The following OPCML variants were observed in gnomAD, a reference collection of about 807,000 sequenced individuals.
The protein encoded by OPCML is opioid-binding protein/cell adhesion molecule.
A neutral mutation model predicts 37.8 loss-of-function variants in OPCML; 13 were observed. That is an observed-to-expected ratio of 0.34 (90% CI 0.22 to 0.55). The LOEUF (loss-of-function observed/expected upper bound fraction) is 0.55. Ranked by LOEUF, OPCML falls within the 20% of genes least tolerant of loss-of-function variation. The probability of loss-of-function intolerance (pLI) is 0.91; values close to 1 mark genes in which losing one functional copy is unlikely to be tolerated. For synonymous variants in OPCML, 176 were observed against 168.8 expected, an observed-to-expected ratio of 1.04 and a Z score of -0.33; for missense variants, 341 against 435.6, an observed-to-expected ratio of 0.78 and a Z score of 1.93.
At chr11:133,048,505 ACTGGATAAAGAG>A (rs2136960530) in intron 1 of OPCML, among the ~76,000 whole-genome samples, 1 of 152,270 alleles carries the variant, frequency 6.6e-6, no homozygotes, top group East Asian at 1.9e-4. Flanking sequence ...GAGAGCACCT[ACTGGATAAAGAG>A]CTGTTCTCAG....
chr11:132,802,290 C>T (rs1226640383), intron 2 of OPCML, among the ~76,000 whole-genome samples: 12 of 152,298 alleles, frequency 7.9e-5, no homozygotes, highest in African/African-American at 2.4e-4. Context: ...CCAGATCATG[C>T]CAACCCTTCC....
intron 1 of OPCML, among the ~76,000 whole-genome samples, chr11:133,241,325 T>C (rs1041217615): frequency 6.6e-6 from 1 of 152,224 alleles, no homozygotes; most frequent in Non-Finnish European, 1.5e-5. Context: ...CACTGAATTA[T>C]TCCCGAAAAA....
intron 1 of OPCML, among the ~76,000 whole-genome samples, chr11:132,953,033 A>G (rs2136701274): frequency 6.6e-6 from 1 of 152,346 alleles, no homozygotes; most frequent in East Asian, 1.9e-4. Flanking sequence ...GAGGTTCCCC[A>G]AGGCTTAGAG....
intron 1 of OPCML, among the ~76,000 whole-genome samples, chr11:133,380,571 A>G (rs576271907): frequency 6.6e-6 from 1 of 152,340 alleles, no homozygotes; most frequent in South Asian, 2.1e-4. Flanking sequence ...ATATTGCATT[A>G]TCTTAAATGA....
At chr11:132,883,553 T>C (rs1276321588) in intron 2 of OPCML, among the ~76,000 whole-genome samples, 3 of 152,172 alleles carry the variant, frequency 2.0e-5, no homozygotes, top group African/African-American at 4.8e-5. Context: ...TGGAAGACTG[T>C]CTTATGAAAC....
chr11:133,179,497 G>A (rs762737971), intron 1 of OPCML, among the ~76,000 whole-genome samples: 12 of 152,102 alleles, frequency 7.9e-5, no homozygotes, highest in Non-Finnish European at 1.5e-4. Flanking sequence ...CATAGGGAGC[G>A]GGGCCCCCTG....
rs56858242 is a variant in OPCML, at chr11:132,818,660, A to AT, written c.146+124265_146+124266insA. ...TAGATATGAGTGTATATATATATAT[A>AT]GACAGATTATATTATATATAAAATC... On this transcript the variant is annotated intron_variant, in intron 2 of 7. Transcript: ENST00000524381. 5.2e-5 allele frequency among the ~76,000 whole-genome samples: 6 copies of AT among 115,558 alleles called. 1 individual carries two copies. The highest frequency in any genetic ancestry group is 1.3e-4 in the African/African-American group (4 of 30,998). The allele number at this position is 115,558 out of a possible 152,430, so 75.8% of individuals were successfully genotyped here.
At chr11:133,118,308 C>G in intron 1 of OPCML, 1 of 985,368 alleles carries the variant, frequency 1.0e-6, no homozygotes, top group Non-Finnish European at 1.2e-6. Context: ...GAAGAAAATT[C>G]TGTCTTTTGA....
Position 133,212,535 on chromosome 11 carries a change from T to C in OPCML, c.62-269525A>G, listed in dbSNP as rs1939405859. Among the ~76,000 whole-genome samples the C allele has an allele frequency of 6.6e-6, 1 of 152,182 alleles. No individual in the cohort carries two copies. The highest frequency in any genetic ancestry group is 1.5e-5 in the Non-Finnish European group (1 of 68,038). The stretch of plus-strand genomic sequence containing the variant: ...GCCGACCCTCGGCACCCTATTGAAG[T>C]TGTAACCTACTCTGCTCACCCCGCT... On this transcript the variant is annotated intron_variant, in intron 1 of 7. Transcript: ENST00000524381. This position sits in a 1 kb window ranked among gnomAD's most constrained non-coding sequence, Gnocchi z 4.9.
intron 1 of OPCML, among the ~76,000 whole-genome samples, chr11:133,130,362 G>C (rs188483852): frequency 1.3e-5 from 2 of 152,138 alleles, no homozygotes; most frequent in East Asian, 3.9e-4. Context: ...TAGGAAAGGA[G>C]AAAGGAACAT....
intron 2 of OPCML, among the ~76,000 whole-genome samples, chr11:132,913,442 G>T (rs767114303): frequency 6.6e-6 from 1 of 152,056 alleles, no homozygotes; most frequent in Admixed American, 6.6e-5. Flanking sequence ...ATGAGTCATC[G>T]GGAAACAAAA....
intron 1 of OPCML, among the ~76,000 whole-genome samples, chr11:133,416,618 GTCTC>G (rs962440065): frequency 2.0e-5 from 3 of 152,052 alleles, no homozygotes; most frequent in Non-Finnish European, 4.4e-5. Context: ...AAGGATAGCT[GTCTC>G]TCTCTCTCTT....
At chr11:132,625,337 G>C (rs1304597216) in intron 3 of OPCML, among the ~76,000 whole-genome samples, 1 of 152,132 alleles carries the variant, frequency 6.6e-6, no homozygotes, top group Non-Finnish European at 1.5e-5. Context: ...GTTGTGAAGA[G>C]GTGTATATTT....
chr11:132,940,534 A>G (rs1193490191), intron 2 of OPCML, among the ~76,000 whole-genome samples: 1 of 152,252 alleles, frequency 6.6e-6, no homozygotes, highest in Non-Finnish European at 1.5e-5. Context: ...ACCACCAAAT[A>G]AAACATGGTA....
intron 1 of OPCML, among the ~76,000 whole-genome samples, chr11:133,058,490 C>G (rs899409239): frequency 6.6e-6 from 1 of 152,180 alleles, no homozygotes; most frequent in Admixed American, 6.5e-5. Context: ...GGTGTCACAT[C>G]GAGCATGCCA....
intron 1 of OPCML, among the ~76,000 whole-genome samples, chr11:133,015,431 T>TGAAGGAAGGAAG (rs768763860): frequency 2.2e-5 from 1 of 46,104 alleles, no homozygotes; most frequent in African/African-American, 8.4e-5. Context: ...AAGGAAGGAA[T>TGAAGGAAGGAAG]GAAGGAAGGA....
At position 132,969,983 on chromosome 11, in the gene OPCML, G is replaced by A. The variant is rs117643158; in HGVS notation, c.62-26973C>T. 7.1e-4 allele frequency among the ~76,000 whole-genome samples: 107 copies of A among 151,724 alleles called. 4 individuals carry two copies. The East Asian group carries it at 0.019, about 27-fold the overall frequency. The stretch of plus-strand genomic sequence containing the variant: ...AAGTCACACTTTCCTGATTCTTTTC[G>A]TGTCTCATAATTTTTTGTTGAAATC... On this transcript the variant is annotated intron_variant, in intron 1 of 7. Transcript: ENST00000524381.
At chr11:133,463,551 C>G (rs1005640654) in intron 1 of OPCML, among the ~76,000 whole-genome samples, 1 of 152,038 alleles carries the variant, frequency 6.6e-6, no homozygotes, top group Non-Finnish European at 1.5e-5. Flanking sequence ...CTCACAACAC[C>G]AAATATTAAT....
At position 132,558,040 on chromosome 11, in the gene OPCML, G is replaced by A. The variant is rs532980277; in HGVS notation, c.380-28854C>T. On this transcript the variant is annotated intron_variant, in intron 3 of 7. Coordinates refer to ENST00000524381, the MANE Select transcript of OPCML (RefSeq NM_001012393.5). Reference sequence around the variant, plus strand: ...TTACTTAGTCCCTACTATGTGTAGGGCATGTGAGTAGTTAGAGGAGATGCA... The same window carrying A: ...TTACTTAGTCCCTACTATGTGTAGGACATGTGAGTAGTTAGAGGAGATGCA... 7.2e-5 allele frequency among the ~76,000 whole-genome samples: 11 copies of A among 152,176 alleles called. No homozygotes were observed. In the East Asian group the frequency reaches 2.1e-3, roughly 30 times the overall value.
Sources: allele counts gnomAD v4.1 joint callset (sites outside exome capture counted in the v4.1 genomes callset), GRCh38; gene constraint gnomAD v4.1.1; non-coding constraint Gnocchi (gnomAD v3.1); transcripts MANE v1.5; gene names NCBI Gene and HGNC (gene_info 2026-07-23, HGNC 2026-07-21).